The following RBL1 variants were observed in gnomAD, a reference collection of about 807,000 sequenced individuals.
RBL1 encodes the protein RB transcriptional corepressor like 1, also known as retinoblastoma-like protein 1.
Under a neutral mutation model 123.0 loss-of-function variants are expected in RBL1, and 82 were observed. The ratio of observed to expected loss-of-function variants is 0.67; its 90% CI spans 0.56 to 0.80. RBL1 has a LOEUF of 0.80. Ranked by LOEUF, RBL1 falls within the 30% of genes least tolerant of loss-of-function variation. The pLI is 0.00. For missense variants in RBL1, 1,171 were observed against 1,299.6 expected, an observed-to-expected ratio of 0.90 and a Z score of 1.52; for synonymous variants, 405 against 441.3, an observed-to-expected ratio of 0.92 and a Z score of 1.03.
At chr20:37,044,878 G>A (rs2064793242) in intron 12 of RBL1, among the ~76,000 whole-genome samples, 2 of 152,038 alleles carry the variant, frequency 1.3e-5, no homozygotes, top group Admixed American at 6.6e-5. Flanking sequence ...GTTCTATTTT[G>A]AATGTATTGC....
chr20:37,059,943 C>T (rs2065067317), intron 9 of RBL1, among the ~76,000 whole-genome samples: 1 of 151,928 alleles, frequency 6.6e-6, no homozygotes, highest in Admixed American at 6.6e-5. Context: ...GAGGCCGAGG[C>T]AGGCGAATCA....
At chr20:37,037,936 C>T (rs917260228) in intron 14 of RBL1, among the ~76,000 whole-genome samples, 8 of 150,960 alleles carry the variant, frequency 5.3e-5, no homozygotes, top group Non-Finnish European at 7.4e-5. Context: ...CTGCCCGCCT[C>T]GGCCTCCCAA....
intron 21 of RBL1, among the ~76,000 whole-genome samples, chr20:37,002,827 C>T (rs2064010541): frequency 1.3e-5 from 2 of 151,888 alleles, no homozygotes; most frequent in Admixed American, 1.3e-4. Flanking sequence ...AAGTGATTCT[C>T]CTGCCTCAGC....
At chr20:37,015,063 CAAAAA>C in intron 19 of RBL1, among the ~76,000 whole-genome samples, 1 of 70,332 alleles carries the variant, frequency 1.4e-5, no homozygotes, top group Non-Finnish European at 3.0e-5. Context: ...GACTGTATCT[CAAAAA>C]AAAAAAAAAA....
chr20:37,064,062 A>T (rs1189749844), intron 7 of RBL1, among the ~76,000 whole-genome samples: 2 of 150,680 alleles, frequency 1.3e-5, no homozygotes, highest in Non-Finnish European at 2.9e-5. Flanking sequence ...AGCTCAAGCG[A>T]TCTGGCTGCC....
At chr20:37,041,736 G>GACATGATAT (rs2064731753) in intron 13 of RBL1, among the ~76,000 whole-genome samples, 1 of 152,044 alleles carries the variant, frequency 6.6e-6, no homozygotes, top group African/African-American at 2.4e-5. Context: ...ATATCAAAAA[G>GACATGATAT]CAGAAGCAAA....
intron 7 of RBL1, among the ~76,000 whole-genome samples, chr20:37,064,185 T>G (rs1285298986): frequency 6.7e-6 from 1 of 150,070 alleles, no homozygotes; most frequent in Non-Finnish European, 1.5e-5. Flanking sequence ...CTGCCCAGGC[T>G]GGAGTGCAGT....
intron 13 of RBL1, among the ~76,000 whole-genome samples, chr20:37,043,645 C>T (rs951271131): frequency 6.6e-6 from 1 of 151,960 alleles, no homozygotes; most frequent in Non-Finnish European, 1.5e-5. Flanking sequence ...GCACACCAGC[C>T]CGGGCAAGAG....
At chr20:37,092,101 G>A (rs144423783) in intron 1 of RBL1, among the ~76,000 whole-genome samples, 2 of 151,992 alleles carry the variant, frequency 1.3e-5, no homozygotes, top group East Asian at 3.9e-4. Flanking sequence ...AAATTAGCAG[G>A]ACGTGGTGGT....
intron 13 of RBL1, among the ~76,000 whole-genome samples, chr20:37,040,788 T>A (rs1238211218): frequency 6.6e-6 from 1 of 152,230 alleles, no homozygotes; most frequent in East Asian, 1.9e-4. Context: ...AACCTTATAA[T>A]TTATATAGGT....
At chr20:37,047,312 G>C (rs957927363) in intron 11 of RBL1, 122 bp from the exon 12 acceptor site, 2 of 1,167,310 alleles carry the variant, frequency 1.7e-6, no homozygotes, top group Middle Eastern at 2.4e-4. Context: ...TAGATTACTG[G>C]AGATAAAAAT....
chr20:37,005,877 C>CTTTTTTTTTTTTCTTTCTTTTTTT (rs2064062073), intron 20 of RBL1, among the ~76,000 whole-genome samples: 4 of 106,340 alleles, frequency 3.8e-5, no homozygotes, highest in African/African-American at 1.7e-4. Flanking sequence ...GCCTTCTTTT[C>CTTTTTTTTTTTTCTTTCTTTTTTT]TTTTTTTTTT....
intron 11 of RBL1, among the ~76,000 whole-genome samples, chr20:37,052,094 G>A (rs1256376918): frequency 1.3e-5 from 2 of 151,568 alleles, no homozygotes; most frequent in Non-Finnish European, 2.9e-5. Context: ...GTGCAGTGGT[G>A]CAATCTTGGC....
rs1003825594 is a variant in RBL1, at chr20:37,008,695, G to C, written c.2723-1136C>G. 2.0e-5 allele frequency among the ~76,000 whole-genome samples: 3 copies of C among 152,126 alleles called. No homozygotes were observed. The East Asian group carries it at 5.8e-4, about 29-fold the overall frequency. On this transcript the variant is annotated intron_variant, in intron 19 of 21. Coordinates refer to ENST00000373664, the MANE Select transcript of RBL1 (RefSeq NM_002895.5). ...CAATACACTGGCCTACAAACATTGA[G>C]AACATGGGTAGAAGCAATGCCTTCA...
At chr20:37,005,894 CTTT>C (rs1013303071) in intron 20 of RBL1, among the ~76,000 whole-genome samples, 4 of 98,138 alleles carry the variant, frequency 4.1e-5, no homozygotes, top group Admixed American at 2.4e-4. Context: ...TTTTTTCTTT[CTTT>C]TTTTTTTTTT....
chr20:37,089,242 G>A (rs2065607794), intron 1 of RBL1, 120 bp from the exon 2 acceptor site: 2 of 962,166 alleles, frequency 2.1e-6, no homozygotes. Flanking sequence ...TAAAGGGCCA[G>A]AGAAGTGAAG....
Position 37,022,750 on chromosome 20 carries a change from A to G in RBL1, c.2459T>C (p.Ile820Thr), listed in dbSNP as rs761693637. The change falls in exon 17 of 22, where the codon ATA becomes ACA. Residue 820 changes from isoleucine (I) to threonine (T), a missense_variant. Physicochemically the swap from Ile to Thr is moderately conservative, Grantham distance 89 (BLOSUM62 -1). Transcript: ENST00000373664. ...LDVSNELRRKIWTCFEFTLVH... is the reference protein window; with the variant it reads ...LDVSNELRRKTWTCFEFTLVH... ...TAAAGTGAATTCAAAACACGTCCAT[A>G]TCTTCCTTCGTAACTCATTTGAAAC... 24 of 1,613,794 alleles carry G rather than the reference A, an allele frequency of 1.5e-5. No homozygotes were observed. The South Asian group carries it at 2.1e-4, about 14-fold the overall frequency.
rs536797471 is a variant in RBL1 at position 37,076,744 on chromosome 20, T to C, written c.291-8558A>G. Among the ~76,000 whole-genome samples the C allele has an allele frequency of 6.6e-5, 10 of 152,342 alleles. No homozygotes were observed. The South Asian group carries it at 1.2e-3, about 19-fold the overall frequency. ...ACCTTGCTTTTTCCTCTAATTTATC[T>C]TGGACATGTTTTTACATCAGTAAAA... On this transcript the variant is annotated intron_variant, in intron 2 of 21. Coordinates refer to ENST00000373664, the MANE Select transcript of RBL1 (RefSeq NM_002895.5).
rs182921082 is a variant in RBL1 at position 37,091,411 on chromosome 20, G to A, written c.157-2289C>T. ...AGGCCAGGCACAGTGGCTCATGCTC[G>A]TAACCCCAGCACTTTGGGAGGCTGA... On this transcript the variant is annotated intron_variant, in intron 1 of 21. Coordinates refer to ENST00000373664, the MANE Select transcript of RBL1 (RefSeq NM_002895.5). Among the ~76,000 whole-genome samples, 5 of 151,684 alleles carry A rather than the reference G, an allele frequency of 3.3e-5. No individual in the cohort carries two copies. The East Asian group carries it at 7.7e-4, about 23-fold the overall frequency.
Sources: allele counts gnomAD v4.1 joint callset (sites outside exome capture counted in the v4.1 genomes callset), GRCh38; gene constraint gnomAD v4.1.1; transcripts MANE v1.5; gene names NCBI Gene and HGNC (gene_info 2026-07-23, HGNC 2026-07-21).